GPC5: variants seen among roughly 807,000 people sequenced by gnomAD.
The protein encoded by GPC5 is glypican-5.
In GPC5, 47 loss-of-function variants were observed where a neutral mutation model predicts 53.9. That is an observed-to-expected ratio of 0.87 (90% confidence interval 0.69 to 1.11). The LOEUF (loss-of-function observed/expected upper bound fraction) is 1.11. GPC5 is among the 50% of genes most tolerant of loss of function. The pLI, the probability that GPC5 is intolerant of heterozygous loss-of-function variation, is 0.00. For synonymous variants in GPC5, 286 were observed against 263.3 expected, an observed-to-expected ratio of 1.09 and a Z score of -0.84; for missense variants, 748 against 713.1, an observed-to-expected ratio of 1.05 and a Z score of -0.56.
intron 7 of GPC5, among the ~76,000 whole-genome samples, chr13:92,606,858 C>T (rs757606659): frequency 2.0e-5 from 3 of 152,074 alleles, no homozygotes; most frequent in East Asian, 3.9e-4. Flanking sequence ...TCTGGTAGTA[C>T]GGTACAATGT....
intron 2 of GPC5, among the ~76,000 whole-genome samples, chr13:91,507,987 A>G (rs1885032268): frequency 1.3e-5 from 2 of 152,198 alleles, no homozygotes; most frequent in Admixed American, 6.5e-5. Context: ...ATATATATTT[A>G]AAGAAAGCAA....
rs73614245 is a variant in GPC5 at position 91,439,626 on chromosome 13, T to A, written c.164-9135T>A. Among the ~76,000 whole-genome samples the A allele has an allele frequency of 5.5e-3, 842 of 152,312 alleles. 12 individuals are homozygous for A. The highest frequency in any genetic ancestry group is 0.018 in the African/African-American group (729 of 41,558). On this transcript the variant is annotated intron_variant, in intron 1 of 7. Coordinates refer to ENST00000377067, the MANE Select transcript of GPC5 (RefSeq NM_004466.6). ...CCTTGCAAACCTGATGCTTGTGTAT[T>A]CTCCTTTTCTCTTGATGGTACTCAT...
intron 6 of GPC5, among the ~76,000 whole-genome samples, chr13:92,045,947 A>G (rs1411939191): frequency 6.6e-6 from 1 of 152,106 alleles, no homozygotes; most frequent in Non-Finnish European, 1.5e-5. Context: ...CGTCTCTACT[A>G]AAAATACAAA....
At chr13:91,790,181 G>A (rs540749427) in intron 5 of GPC5, among the ~76,000 whole-genome samples, 1 of 152,212 alleles carries the variant, frequency 6.6e-6, no homozygotes, top group Non-Finnish European at 1.5e-5. Flanking sequence ...CATTATAACA[G>A]GTGTGAGGTG....
chr13:92,837,028 C>G lies in GPC5; in HGVS notation c.1562-29254C>G, dbSNP rs185167544. ...AAGAAAACTGATGGGGAAAGAAATT[C>G]ATATACCTAGGCACATTATGGAAGA... On this transcript the variant is annotated intron_variant, in intron 7 of 7. Transcript: ENST00000377067. Among the ~76,000 whole-genome samples the G allele has an allele frequency of 3.9e-3, 587 of 152,134 alleles. 2 individuals carry two copies. The highest frequency in any genetic ancestry group is 5.3e-3 in the Non-Finnish European group (358 of 67,964).
chr13:92,217,922 T>TG, intron 7 of GPC5, among the ~76,000 whole-genome samples: 1 of 143,568 alleles, frequency 7.0e-6, no homozygotes, highest in South Asian at 2.3e-4. Flanking sequence ...TTTTTTTTTT[T>TG]TTTTTTTTTT....
rs182210465 is a variant in GPC5 at position 92,585,878 on chromosome 13, G to T, written c.1562-280404G>T. 1.5e-4 allele frequency among the ~76,000 whole-genome samples: 23 copies of T among 152,250 alleles called. No homozygotes were observed. The East Asian group carries it at 4.3e-3, about 28-fold the overall frequency. On this transcript the variant is annotated intron_variant, in intron 7 of 7. Transcript: ENST00000377067. The stretch of plus-strand genomic sequence containing the variant: ...GCCTGCTGCCATTCACATAAGACAT[G>T]ACTTGTTCATCCTTGCCATCTGCCA...
At chr13:92,023,848 A>C (rs1333840743) in intron 6 of GPC5, among the ~76,000 whole-genome samples, 1 of 152,088 alleles carries the variant, frequency 6.6e-6, no homozygotes, top group Non-Finnish European at 1.5e-5. Flanking sequence ...TATTCCCAAG[A>C]CTTGTTTACA....
chr13:92,505,637 T>G (rs1221393262), intron 7 of GPC5, among the ~76,000 whole-genome samples: 4 of 152,026 alleles, frequency 2.6e-5, no homozygotes, highest in African/African-American at 9.7e-5. Flanking sequence ...TAACTTAGAT[T>G]TATACAAAAC....
At chr13:92,100,170 C>G (rs1466750737) in intron 6 of GPC5, among the ~76,000 whole-genome samples, 1 of 152,056 alleles carries the variant, frequency 6.6e-6, no homozygotes, top group African/African-American at 2.4e-5. Flanking sequence ...TTTGGGAGGC[C>G]GAGGTGGGTG....
intron 7 of GPC5, among the ~76,000 whole-genome samples, chr13:92,839,180 T>A (rs772391190): frequency 6.6e-6 from 1 of 152,242 alleles, no homozygotes; most frequent in Non-Finnish European, 1.5e-5. Flanking sequence ...AATATTACAA[T>A]GTTCAATATT....
chr13:92,766,826 T>C (rs1443262198), intron 7 of GPC5, among the ~76,000 whole-genome samples: 1 of 152,256 alleles, frequency 6.6e-6, no homozygotes, highest in Non-Finnish European at 1.5e-5. Context: ...AATTTCTTTA[T>C]ACATTCATTA....
chr13:91,746,748 TAATG>T (rs1484931417), intron 4 of GPC5, among the ~76,000 whole-genome samples: 1 of 152,200 alleles, frequency 6.6e-6, no homozygotes, highest in African/African-American at 2.4e-5. Context: ...TAAATTTACT[TAATG>T]AAATATTTTC....
Position 92,647,245 on chromosome 13 carries a change from G to A in GPC5, c.1562-219037G>A, listed in dbSNP as rs189725049. Among the ~76,000 whole-genome samples the A allele has an allele frequency of 9.2e-3, 1,403 of 152,146 alleles. 10 individuals carry two copies. Among genetic ancestry groups the A allele is most frequent in the Non-Finnish European group, 0.015 (1,042 of 68,006 alleles). ...TTCACAATTTGCTATTATATTCACCGTAGGTTTTGTCAACTTAAAAGTGTT... is the reference window on the plus strand; with the variant it reads ...TTCACAATTTGCTATTATATTCACCATAGGTTTTGTCAACTTAAAAGTGTT... On this transcript the variant is annotated intron_variant, in intron 7 of 7. Transcript: ENST00000377067.
At chr13:92,143,176 G>A (rs767860522) in intron 6 of GPC5, among the ~76,000 whole-genome samples, 6 of 152,030 alleles carry the variant, frequency 3.9e-5, no homozygotes, top group Admixed American at 1.3e-4. Context: ...CCCATGTCTC[G>A]TGGTTGGTAT....
At chr13:92,730,621 G>A (rs1199881510) in intron 7 of GPC5, among the ~76,000 whole-genome samples, 8 of 150,974 alleles carry the variant, frequency 5.3e-5, no homozygotes, top group Non-Finnish European at 1.2e-4. Flanking sequence ...TTTGCAAGCG[G>A]ATGTCCAATT....
intron 7 of GPC5, among the ~76,000 whole-genome samples, chr13:92,257,573 CAG>C (rs1408982626): frequency 4.7e-5 from 1 of 21,234 alleles, no homozygotes; most frequent in Non-Finnish European, 8.3e-5. Flanking sequence ...TTTTTGGGGA[CAG>C]AGTCTCACTC....
intron 6 of GPC5, among the ~76,000 whole-genome samples, chr13:92,021,329 A>ATTT (rs1232750793): frequency 2.6e-5 from 4 of 152,230 alleles, no homozygotes; most frequent in Non-Finnish European, 4.4e-5. Flanking sequence ...ACGTGACAGC[A>ATTT]TGGATGAGCC....
chr13:91,759,521 T>G (rs1363371725), intron 5 of GPC5, among the ~76,000 whole-genome samples: 2 of 152,078 alleles, frequency 1.3e-5, no homozygotes, highest in African/African-American at 4.8e-5. Context: ...ATTACCCTCT[T>G]CCCACTACTC....
Sources: gnomAD v4.1 joint callset for allele counts (sites outside exome capture counted in the v4.1 genomes callset) on GRCh38, gnomAD v4.1.1 for gene constraint, MANE v1.5 for transcripts, NCBI Gene and HGNC (gene_info 2026-07-23, HGNC 2026-07-21) for gene names.